The following WWOX variants were observed in gnomAD, a reference collection of about 807,000 sequenced individuals.
The protein encoded by WWOX is WW domain containing oxidoreductase.
A neutral mutation model predicts 46.2 loss-of-function variants in WWOX; 69 were observed. The observed-to-expected ratio is 1.49, with a 90% CI of 1.23 to 1.82. The LOEUF is 1.82. Ranked by LOEUF, WWOX falls within the 40% of genes most tolerant of loss-of-function variation. WWOX has a pLI of 0.00. For missense variants in WWOX, 919 were observed against 542.6 expected (o/e 1.69, Z -6.89); for synonymous variants, 359 against 202.6 (o/e 1.77, Z -6.56).
intron 8 of WWOX, among the ~76,000 whole-genome samples, chr16:78,698,810 C>A (rs755037866): frequency 2.6e-5 from 4 of 152,134 alleles, no homozygotes; most frequent in Admixed American, 6.5e-5. Context: ...CTGTGACTAG[C>A]CACTGCACTC....
intron 8 of WWOX, among the ~76,000 whole-genome samples, chr16:79,157,101 CAG>C (rs2050396514): frequency 6.6e-6 from 1 of 152,080 alleles, no homozygotes; most frequent in Non-Finnish European, 1.5e-5. Flanking sequence ...TTAGGAAAAA[CAG>C]AGTAATTCTG....
rs371751148 is a variant in WWOX at position 78,915,198 on chromosome 16, C to T, written c.1057-296410C>T. Among the ~76,000 whole-genome samples the T allele has an allele frequency of 7.2e-5, 11 of 152,238 alleles. 1 individual carries two copies. In the South Asian group the frequency reaches 1.2e-3, roughly 17 times the overall value. ...CCCATTCACTCCACCACCACTCACC[C>T]CAAATCAGATCATGATTCATTTGGG... On this transcript the variant is annotated intron_variant, in intron 8 of 8. Coordinates refer to ENST00000566780, the MANE Select transcript of WWOX (RefSeq NM_016373.4).
intron 6 of WWOX, among the ~76,000 whole-genome samples, chr16:78,392,820 G>A (rs1290519981): frequency 5.3e-5 from 8 of 152,048 alleles, no homozygotes; most frequent in African/African-American, 9.7e-5. Flanking sequence ...GGCCCAGCAC[G>A]TCCTGACCTC....
intron 6 of WWOX, among the ~76,000 whole-genome samples, chr16:78,424,115 T>G (rs1280554921): frequency 1.4e-5 from 2 of 142,894 alleles, no homozygotes; most frequent in African/African-American, 5.4e-5. Context: ...TTCTTTTTTT[T>G]TTTTGTTTTT....
chr16:79,010,253 T>C (rs2047277032), intron 8 of WWOX, among the ~76,000 whole-genome samples: 1 of 152,118 alleles, frequency 6.6e-6, no homozygotes, highest in Non-Finnish European at 1.5e-5. Flanking sequence ...AGTGAGGAGC[T>C]GGGGACTCAG....
At chr16:78,620,557 A>T (rs2046154455) in intron 8 of WWOX, among the ~76,000 whole-genome samples, 1 of 152,134 alleles carries the variant, frequency 6.6e-6, no homozygotes, top group African/African-American at 2.4e-5. Flanking sequence ...GGACAGTTTT[A>T]TGTCCTCTGC....
intron 8 of WWOX, among the ~76,000 whole-genome samples, chr16:78,731,929 C>T (rs1014253393): frequency 6.7e-6 from 1 of 149,282 alleles, no homozygotes; most frequent in Non-Finnish European, 1.5e-5. Context: ...CTCTTTGCAG[C>T]CTTGAACTCT....
intron 8 of WWOX, chr16:78,503,935 C>A (rs1051931358): frequency 6.6e-6 from 1 of 152,168 alleles, no homozygotes; most frequent in Non-Finnish European, 1.5e-5. Context: ...AATAGTAAAT[C>A]ACATTTTTAT....
chr16:78,308,997 A>T (rs1217891262), intron 5 of WWOX, among the ~76,000 whole-genome samples: 1 of 152,120 alleles, frequency 6.6e-6, no homozygotes, highest in African/African-American at 2.4e-5. Context: ...AATCCATGTG[A>T]TATGGTTTGG....
chr16:78,198,015 G>A (rs1168521157), intron 5 of WWOX, among the ~76,000 whole-genome samples: 1 of 151,722 alleles, frequency 6.6e-6, no homozygotes, highest in Non-Finnish European at 1.5e-5. Flanking sequence ...TGGAGCAAAG[G>A]GCAGTTTTCA....
At chr16:78,794,684 G>A (rs748189632) in intron 8 of WWOX, among the ~76,000 whole-genome samples, 19 of 152,260 alleles carry the variant, frequency 1.2e-4, no homozygotes, top group Non-Finnish European at 2.4e-4. Flanking sequence ...CATTCCTGCA[G>A]CTGTTATCTT....
intron 8 of WWOX, among the ~76,000 whole-genome samples, chr16:79,210,503 T>C (rs2150862316): frequency 6.6e-6 from 1 of 152,278 alleles, no homozygotes; most frequent in South Asian, 2.1e-4. Flanking sequence ...CAAAGTTCCT[T>C]AGTGTTTTCC....
chr16:78,879,763 G>C (rs898922231), intron 8 of WWOX, among the ~76,000 whole-genome samples: 3 of 152,088 alleles, frequency 2.0e-5, no homozygotes, highest in African/African-American at 7.2e-5. Flanking sequence ...TGTAATCCCA[G>C]CTACTTGGGA....
At chr16:78,847,044 G>GC (rs1371333133) in intron 8 of WWOX, among the ~76,000 whole-genome samples, 1 of 152,188 alleles carries the variant, frequency 6.6e-6, no homozygotes, top group Non-Finnish European at 1.5e-5. Context: ...CTTTTGACAT[G>GC]CCCCGTTCTT....
At chr16:78,779,468 G>A (rs544021277) in intron 8 of WWOX, among the ~76,000 whole-genome samples, 3 of 152,206 alleles carry the variant, frequency 2.0e-5, no homozygotes, top group Admixed American at 2.0e-4. Flanking sequence ...GGGGTATTAA[G>A]GCTCAGAAAA....
intron 8 of WWOX, among the ~76,000 whole-genome samples, chr16:78,799,060 C>CTT (rs2142642450): frequency 6.6e-6 from 1 of 152,294 alleles, no homozygotes; most frequent in East Asian, 1.9e-4. Context: ...TCGTCTATAC[C>CTT]TTGTCAATCC....
intron 8 of WWOX, among the ~76,000 whole-genome samples, chr16:78,836,458 A>G (rs1170320815): frequency 6.6e-6 from 1 of 152,194 alleles, no homozygotes; most frequent in African/African-American, 2.4e-5. Flanking sequence ...ACCCACCTGA[A>G]GGGTGGCATC....
Position 78,349,313 on chromosome 16 carries a change from C to G in WWOX, c.517-37547C>G, listed in dbSNP as rs928591077. 4.9e-4 allele frequency among the ~76,000 whole-genome samples: 59 copies of G among 120,920 alleles called. 12 individuals carry two copies. The highest frequency in any genetic ancestry group is 1.4e-3 in the African/African-American group (51 of 35,720). The allele number at this position is 120,920 out of a possible 152,430, so 79.3% of individuals were successfully genotyped here. On this transcript the variant is annotated intron_variant, in intron 5 of 8. Coordinates refer to ENST00000566780, the MANE Select transcript of WWOX (RefSeq NM_016373.4). ...AATCACCTCTTTATAGGCCGTACCTCCAAATACAGTCACATTCTGAGGTAG... is the reference window on the plus strand; with the variant it reads ...AATCACCTCTTTATAGGCCGTACCTGCAAATACAGTCACATTCTGAGGTAG...
At chr16:78,411,575 A>G (rs1189104034) in intron 6 of WWOX, among the ~76,000 whole-genome samples, 1 of 152,210 alleles carries the variant, frequency 6.6e-6, no homozygotes, top group African/African-American at 2.4e-5. Flanking sequence ...AAGGACCTGA[A>G]TGTCAGGATG....
Sources: allele counts gnomAD v4.1 joint callset (sites outside exome capture counted in the v4.1 genomes callset), GRCh38; gene constraint gnomAD v4.1.1; transcripts MANE v1.5; gene names NCBI Gene and HGNC (gene_info 2026-07-23, HGNC 2026-07-21).